The following CYP20A1 variants were observed in gnomAD, a reference collection of about 807,000 sequenced individuals.
The protein encoded by CYP20A1 is cytochrome P450 20A1.
A neutral mutation model predicts 61.4 loss-of-function variants in CYP20A1; 61 were observed. That is an observed-to-expected ratio of 0.99 (90% CI 0.81 to 1.23). The LOEUF (loss-of-function observed/expected upper bound fraction) is 1.23. Among genes scored for constraint, CYP20A1 ranks in the 50% most tolerant of loss-of-function variants. The pLI is 0.00. For synonymous variants in CYP20A1, 193 were observed against 188.2 expected (o/e 1.03, Z -0.21); for missense variants, 530 against 542.4 (o/e 0.98, Z 0.23).
Position 203,246,864 on chromosome 2 carries a change from G to T in CYP20A1, c.232G>T (p.Val78Leu). Residue 78 changes from valine to leucine, a missense_variant, in exon 3 of 13, where the codon GTG becomes TTG. Transcript: ENST00000356079. ...CTCCTTCTGGTTTGGCAGGCGCCTC[G>T]TGGTTAGTTTGGGCACTGTTGATGT... ...VVSFWFGRRL[V>L]VSLGTVDVLK... The T allele has an allele frequency of 1.9e-6, 3 of 1,614,148 alleles. No homozygotes were observed. Among genetic ancestry groups the T allele is most frequent in the Admixed American group, 1.7e-5 (1 of 60,012 alleles).
At chr2:203,239,218 G>A in intron 1 of CYP20A1, 84 bp downstream of exon 1, 1 of 1,157,626 alleles carries the variant, frequency 8.6e-7, no homozygotes, top group East Asian at 2.4e-5. Flanking sequence ...TGCCCGCTGC[G>A]GGCCGCAGGG....
intron 6 of CYP20A1, among the ~76,000 whole-genome samples, chr2:203,275,989 G>T (rs1289853228): frequency 1.3e-5 from 2 of 152,180 alleles, no homozygotes; most frequent in African/African-American, 2.4e-5. Context: ...AGTGCCGGGG[G>T]TTGGGAGATT....
At position 203,266,511 on chromosome 2, in the gene CYP20A1, C is replaced by G. The variant is rs765306097; in HGVS notation, c.433-3C>G. ...ATCATTGTGCTTTTCTGTTCTCTTTCAGCTTTCAGAAGAATTATTAGATAA... is the reference window on the plus strand; with the variant it reads ...ATCATTGTGCTTTTCTGTTCTCTTTGAGCTTTCAGAAGAATTATTAGATAA... On this transcript the variant is annotated splice_region_variant and splice_polypyrimidine_tract_variant and intron_variant, in intron 4 of 12. Transcript: ENST00000356079. 1.2e-6 allele frequency: 2 copies of G among 1,612,594 alleles called. No individual in the cohort carries two copies. Among genetic ancestry groups the G allele is most frequent in the African/African-American group, 2.7e-5 (2 of 74,990 alleles).
At chr2:203,273,567 A>T (rs2067694034) in intron 6 of CYP20A1, among the ~76,000 whole-genome samples, 1 of 152,212 alleles carries the variant, frequency 6.6e-6, no homozygotes, top group Admixed American at 6.5e-5. Context: ...TGGGAGGCTG[A>T]GATGAGAGGA....
chr2:203,296,697 C>G, intron 12 of CYP20A1, 61 bp from the exon 13 acceptor site: 4 of 1,532,214 alleles, frequency 2.6e-6, no homozygotes, highest in Non-Finnish European at 3.5e-6. Flanking sequence ...ATGTGCAGAA[C>G]GTGCAGGTTT....
At chr2:203,293,863 C>T (rs950704686) in intron 11 of CYP20A1, among the ~76,000 whole-genome samples, 1 of 152,036 alleles carries the variant, frequency 6.6e-6, no homozygotes, top group African/African-American at 2.4e-5. Flanking sequence ...TTCTGTGGTA[C>T]GTGGGTTATT....
At chr2:203,290,345 G>C (rs899964599) in intron 10 of CYP20A1, among the ~76,000 whole-genome samples, 1 of 152,194 alleles carries the variant, frequency 6.6e-6, no homozygotes, top group Non-Finnish European at 1.5e-5. Context: ...TTGTTTTAAA[G>C]TTCAAGCAAT....
intron 4 of CYP20A1, among the ~76,000 whole-genome samples, chr2:203,265,387 T>A (rs2067283378): frequency 6.6e-6 from 1 of 152,246 alleles, no homozygotes; most frequent in Admixed American, 6.5e-5. Context: ...TATAATCTAA[T>A]GTCAGTGATA....
intron 4 of CYP20A1, among the ~76,000 whole-genome samples, chr2:203,254,614 G>T (rs184986897): frequency 6.1e-4 from 92 of 151,908 alleles, no homozygotes; most frequent in African/African-American, 2.1e-3. Context: ...AATGTAATCA[G>T]ATTATACTGC....
intron 9 of CYP20A1, 78 bp downstream of exon 9, chr2:203,285,810 A>T: frequency 2.3e-6 from 3 of 1,286,232 alleles, no homozygotes; most frequent in South Asian, 2.1e-5. Context: ...TATTGTTGCT[A>T]TCTAGGAAAG....
chr2:203,278,925 G>A (rs1342979505), intron 7 of CYP20A1, among the ~76,000 whole-genome samples: 1 of 152,132 alleles, frequency 6.6e-6, no homozygotes. Context: ...CTAGAGTTCA[G>A]TGGCTTAAGA....
intron 4 of CYP20A1, among the ~76,000 whole-genome samples, chr2:203,255,867 A>G (rs114843634): frequency 2.6e-3 from 389 of 152,252 alleles, no homozygotes; most frequent in African/African-American, 8.9e-3. Flanking sequence ...ACACCAAGCT[A>G]ATGTGTGTTC....
chr2:203,240,806 G>T (rs2066229315), intron 1 of CYP20A1, among the ~76,000 whole-genome samples: 1 of 152,226 alleles, frequency 6.6e-6, no homozygotes, highest in Non-Finnish European at 1.5e-5. Context: ...AATTTTAAAT[G>T]ACTTGTAAGG....
intron 9 of CYP20A1, among the ~76,000 whole-genome samples, chr2:203,287,004 C>T (rs745697213): frequency 1.3e-5 from 2 of 150,494 alleles, no homozygotes; most frequent in African/African-American, 4.9e-5. Context: ...TCACCTGAGC[C>T]CAGGAGTGCA....
chr2:203,260,106 T>C (rs1428831991), intron 4 of CYP20A1, among the ~76,000 whole-genome samples: 1 of 151,930 alleles, frequency 6.6e-6, no homozygotes, highest in Non-Finnish European at 1.5e-5. Flanking sequence ...TTTGTATTTT[T>C]AGTAGAGACA....
At chr2:203,254,447 A>C (rs960030942) in intron 4 of CYP20A1, among the ~76,000 whole-genome samples, 47 of 151,982 alleles carry the variant, frequency 3.1e-4, no homozygotes, top group African/African-American at 1.1e-3. Flanking sequence ...CGGGAGGCTG[A>C]GGCAGAAGCA....
In CYP20A1 at chr2:203,306,005, ATACAAC is replaced by A. The variant is rs1217012746; in HGVS notation, c.*9100_*9105del. ...GATTTATAATATAGTACTATACAAA[ATACAAC>A]TAAAATAGTTGGTAACCAAGTAGTC... On this transcript the variant is annotated 3_prime_UTR_variant, in exon 13 of 13. Coordinates refer to ENST00000356079, the MANE Select transcript of CYP20A1 (RefSeq NM_177538.3). 6.6e-6 allele frequency among the ~76,000 whole-genome samples: 1 copy of A among 152,190 alleles called. No homozygotes were observed. Among genetic ancestry groups the A allele is most frequent in the African/African-American group, 2.4e-5 (1 of 41,448 alleles).
Position 203,297,087 on chromosome 2 carries a change from G to T in CYP20A1, c.*179G>T, listed in dbSNP as rs2068835405. ...TTTTCTTAATTCATTGTACACATTTGACTTACTGCACAGTATATTGATCAT... is the reference window on the plus strand; with the variant it reads ...TTTTCTTAATTCATTGTACACATTTTACTTACTGCACAGTATATTGATCAT... On this transcript the variant is annotated 3_prime_UTR_variant, in exon 13 of 13. Coordinates refer to ENST00000356079, the MANE Select transcript of CYP20A1 (RefSeq NM_177538.3). 6.3e-6 allele frequency: 3 copies of T among 476,950 alleles called. No individual in the cohort carries two copies. In the East Asian group the frequency reaches 1.1e-4, roughly 18 times the overall value. The allele number at this position is 476,950 out of a possible 1,614,324, so 29.5% of individuals were successfully genotyped here.
At chr2:203,285,217 G>A (rs896319873) in intron 8 of CYP20A1, among the ~76,000 whole-genome samples, 1 of 152,116 alleles carries the variant, frequency 6.6e-6, no homozygotes, top group African/African-American at 2.4e-5. Context: ...GTGCTCCTAA[G>A]TGAACTGATA....
Sources: gnomAD v4.1 joint callset for allele counts (sites outside exome capture counted in the v4.1 genomes callset) on GRCh38, gnomAD v4.1.1 for gene constraint, MANE v1.5 for transcripts, NCBI Gene and HGNC (gene_info 2026-07-23, HGNC 2026-07-21) for gene names.